The following MIPEP variants were observed in gnomAD, a reference collection of about 807,000 sequenced individuals.
MIPEP encodes mitochondrial intermediate peptidase.
A neutral mutation model predicts 90.3 loss-of-function variants in MIPEP; 79 were observed. The observed-to-expected ratio is 0.87, with a 90% confidence interval of 0.73 to 1.05. The LOEUF is 1.05. Ranked by LOEUF, MIPEP falls within the 50% of genes least tolerant of loss-of-function variation. The probability of loss-of-function intolerance (pLI) is 0.00; values close to 1 mark genes in which losing one functional copy is unlikely to be tolerated. For missense variants in MIPEP, 940 were observed against 905.6 expected (o/e 1.04, Z -0.49); for synonymous variants, 334 against 315.8 (o/e 1.06, Z -0.61).
intron 16 of MIPEP, among the ~76,000 whole-genome samples, chr13:23,781,795 G>T (rs976457978): frequency 6.6e-6 from 1 of 151,918 alleles, no homozygotes; most frequent in Non-Finnish European, 1.5e-5. Context: ...AAAAGGCAGG[G>T]GTTGCAATCC....
In MIPEP at chr13:23,889,131, C is replaced by A; in HGVS notation, c.189+1G>T. The A allele has an allele frequency of 7.1e-7, 1 of 1,416,706 alleles. No individual in the cohort carries two copies. Among genetic ancestry groups the A allele is most frequent in the Non-Finnish European group, 9.2e-7 (1 of 1,088,126 alleles). 87.8% of individuals were successfully genotyped at this position (1,416,706 alleles called of 1,614,324 possible). A position where few individuals can be genotyped will look rare whatever the true frequency, so the allele number is the denominator to read the frequency against. ...AGGGGAGCTCCTCCTGCGCCGCTCA[C>A]CCGGCGCTCGCCGAACAGGTCCAAG... On this transcript the variant is annotated splice_donor_variant, in intron 1 of 18. Transcript: ENST00000382172. LOFTEE classifies it high-confidence loss of function.
rs749677843 is a variant in MIPEP, at chr13:23,886,361, G to C, written c.335C>G (p.Ser112Trp). 8.2e-6 allele frequency: 13 copies of C among 1,594,222 alleles called. No homozygotes were observed. The South Asian group carries it at 1.4e-4, about 17-fold the overall frequency. ...GTCGGCCACTCTGCATAAGGAATCC[G>C]AGAGCTCATCGAAGATCAGCACGGT... ...PQTVLIFDEL[S>W]DSLCRVADLA... The change falls in exon 2 of 19, where the codon TCG (serine) becomes TGG (tryptophan). Residue 112 changes from serine (S) to tryptophan (W), a missense_variant. Physicochemically the swap from Ser to Trp is radical, Grantham distance 177 (BLOSUM62 -3). Coordinates refer to ENST00000382172, the MANE Select transcript of MIPEP (RefSeq NM_005932.4).
chr13:23,845,245 C>T (rs1869482072), intron 10 of MIPEP, among the ~76,000 whole-genome samples: 1 of 152,102 alleles, frequency 6.6e-6, no homozygotes. Context: ...AGCCTGTTTT[C>T]TTTCATGGGT....
chr13:23,740,519 A>G (rs906417849), intron 18 of MIPEP, among the ~76,000 whole-genome samples: 2 of 152,146 alleles, frequency 1.3e-5, no homozygotes, highest in Non-Finnish European at 2.9e-5. Flanking sequence ...TAAAAAAAAA[A>G]ATCAGTTCAC....
intron 15 of MIPEP, among the ~76,000 whole-genome samples, chr13:23,806,929 T>C (rs1953117289): frequency 6.6e-6 from 1 of 151,916 alleles, no homozygotes; most frequent in African/African-American, 2.4e-5. Context: ...ATAGGTGTGG[T>C]GGGGGTAGAG....
rs147733297 is a variant in MIPEP, at chr13:23,730,362, T to C, written c.2128A>G (p.Met710Val). The C allele has an allele frequency of 2.5e-6, 4 of 1,609,572 alleles. No homozygotes were observed. In the African/African-American group the frequency reaches 4.0e-5, roughly 16 times the overall value. ...GAGTGTTTCTTTTATTCAGAATCCATGAGGAAAGTTTCGAAGTCCAGATCC... is the reference window on the plus strand; with the variant it reads ...GAGTGTTTCTTTTATTCAGAATCCACGAGGAAAGTTTCGAAGTCCAGATCC... ...DLDLDFETFLMDSE is the reference protein window; with the variant it reads ...DLDLDFETFLVDSE The change falls in exon 19 of 19, where the codon ATG (methionine) becomes GTG (valine). Residue 710 changes from methionine (M) to valine (V), a missense_variant. Physicochemically the swap from Met to Val is conservative, Grantham distance 21. Transcript: ENST00000382172.
intron 16 of MIPEP, 87 bp downstream of exon 16, chr13:23,805,863 T>C (rs1440913877): frequency 7.0e-7 from 1 of 1,431,068 alleles, no homozygotes; most frequent in Non-Finnish European, 9.5e-7. Context: ...GGATTTCAAG[T>C]TCTCCAAAGG....
chr13:23,788,982 A>AT (rs1952874959), intron 16 of MIPEP, among the ~76,000 whole-genome samples: 1 of 152,110 alleles, frequency 6.6e-6, no homozygotes, highest in African/African-American at 2.4e-5. Flanking sequence ...AGCTAAGTTT[A>AT]TTTTTTGTAG....
At position 23,756,624 on chromosome 13, in the gene MIPEP, G is replaced by T; in HGVS notation, c.1971-6C>A. On this transcript the variant is annotated splice_region_variant and splice_polypyrimidine_tract_variant and intron_variant, in intron 17 of 18. Coordinates refer to ENST00000382172, the MANE Select transcript of MIPEP (RefSeq NM_005932.4). ...GATAGCGCTCCCCGGCAGCCCTGGG[G>T]AAGAGAGGTTCTGTTACAGACTCCT... 12 of 1,611,998 alleles carry T rather than the reference G, an allele frequency of 7.4e-6. No homozygotes were observed. Among genetic ancestry groups the T allele is most frequent in the Non-Finnish European group, 9.3e-6 (11 of 1,179,876 alleles).
intron 5 of MIPEP, among the ~76,000 whole-genome samples, chr13:23,873,405 T>A (rs1484457460): frequency 6.6e-6 from 1 of 152,186 alleles, no homozygotes; most frequent in African/African-American, 2.4e-5. Context: ...ACCAGCAGGA[T>A]GGTGACATGC....
rs574703725 is a variant in MIPEP, at chr13:23,839,316, A to T, written c.1338+333T>A. Among the ~76,000 whole-genome samples, 17 of 152,338 alleles carry T rather than the reference A, an allele frequency of 1.1e-4. No individual in the cohort carries two copies. The South Asian group carries it at 3.5e-3, about 32-fold the overall frequency. On this transcript the variant is annotated intron_variant, in intron 12 of 18. Coordinates refer to ENST00000382172, the MANE Select transcript of MIPEP (RefSeq NM_005932.4). ...CAGTTTCCTCATAATGTGAGTAACT[A>T]GTCAAAAGGGTGAGGCGAACATTAA...
intron 14 of MIPEP, among the ~76,000 whole-genome samples, chr13:23,828,307 A>C (rs1484578347): frequency 6.6e-6 from 1 of 152,254 alleles, no homozygotes; most frequent in African/African-American, 2.4e-5. Context: ...GCTTTTACTC[A>C]ACATTAAGGA....
At chr13:23,824,688 C>A (rs1265249553) in intron 14 of MIPEP, among the ~76,000 whole-genome samples, 1 of 152,138 alleles carries the variant, frequency 6.6e-6, no homozygotes, top group Non-Finnish European at 1.5e-5. Flanking sequence ...TTGATATAAC[C>A]AGTAATCCAG....
At chr13:23,747,660 T>C in intron 18 of MIPEP, 3 of 408,074 alleles carry the variant, frequency 7.4e-6, no homozygotes, top group Non-Finnish European at 1.5e-5. Context: ...GCCTGTAAAA[T>C]ATCCAAAAAT....
chr13:23,859,826 T>C (rs1020075136), intron 9 of MIPEP, among the ~76,000 whole-genome samples: 2 of 152,246 alleles, frequency 1.3e-5, no homozygotes, highest in Admixed American at 6.5e-5. Flanking sequence ...TCCTTTAACA[T>C]TTCAGTTTAG....
intron 18 of MIPEP, among the ~76,000 whole-genome samples, chr13:23,755,019 C>A (rs371689975): frequency 8.1e-4 from 123 of 152,310 alleles, no homozygotes; most frequent in African/African-American, 2.8e-3. Context: ...AGGGCCTAAC[C>A]TGCTTATTGT....
At chr13:23,867,844 A>G (rs1870609041) in intron 7 of MIPEP, among the ~76,000 whole-genome samples, 1 of 152,170 alleles carries the variant, frequency 6.6e-6, no homozygotes, top group Non-Finnish European at 1.5e-5. Context: ...TATCTGTGAC[A>G]CGAATACAAA....
intron 7 of MIPEP, 61 bp downstream of exon 7, chr13:23,869,231 T>C: frequency 7.0e-7 from 1 of 1,423,614 alleles, no homozygotes. Context: ...CTATTTAAAA[T>C]CAAAAGCTCA....
rs988218106 is a variant in MIPEP, at chr13:23,785,881, A to C, written c.1848+20069T>G. 2.0e-5 allele frequency among the ~76,000 whole-genome samples: 3 copies of C among 151,934 alleles called. No homozygotes were observed. In the East Asian group the frequency reaches 5.8e-4, roughly 30 times the overall value. On this transcript the variant is annotated intron_variant, in intron 16 of 18. Transcript: ENST00000382172. ...CATATGAAAACCTAGTATCTGACAA[A>C]AAAATACCTTTTCAAATCAGTGGGG...
Sources: allele counts gnomAD v4.1 joint callset (sites outside exome capture counted in the v4.1 genomes callset), GRCh38; gene constraint gnomAD v4.1.1; transcripts MANE v1.5; gene names NCBI Gene and HGNC (gene_info 2026-07-23, HGNC 2026-07-21).